Variants in RTL9 observed in about 807,000 individuals in gnomAD.
The protein encoded by RTL9 is retrotransposon Gag like 9, also known as retrotransposon Gag-like protein 9.
RTL9 carries 19 observed loss-of-function variants against 44.7 expected under a neutral mutation model. The observed-to-expected ratio is 0.42, with a 90% CI of 0.30 to 0.62. The LOEUF (loss-of-function observed/expected upper bound fraction) is 0.62, where lower values mean the gene tolerates loss of function less well. Ranked by LOEUF, RTL9 falls within the 20% of genes least tolerant of loss-of-function variation. The probability of loss-of-function intolerance (pLI) is 0.16; values close to 1 mark genes in which losing one functional copy is unlikely to be tolerated. For missense variants in RTL9, 1,105 were observed against 1,080.6 expected, an observed-to-expected ratio of 1.02 and a Z score of -0.32; for synonymous variants, 407 against 398.9, an observed-to-expected ratio of 1.02 and a Z score of -0.24.
intron 1 of RTL9, among the ~76,000 whole-genome samples, chrX:110,362,224 CTCCT>C (rs924908677): frequency 4.5e-5 from 5 of 111,055 alleles, no homozygotes; most frequent in African/African-American, 1.3e-4. Context: ...CATATCAACT[CTCCT>C]TCCTTCTTTT....
exon 1 of RTL9, chrX:110,453,729 G>A: frequency 3.3e-6 from 4 of 1,211,467 alleles, no homozygotes; most frequent in Non-Finnish European, 4.5e-6. Context: ...CTCAGTTTCT[G>A]GATCGATGCC....
upstream of RTL9, among the ~76,000 whole-genome samples, chrX:110,417,325 T>C (rs1006012391): frequency 9.0e-6 from 1 of 111,596 alleles, no homozygotes; most frequent in Admixed American, 9.5e-5. Context: ...CTGGTTTGGG[T>C]TTTCAATTCA....
At chrX:110,409,617 T>A (rs2068627511) in intron 1 of RTL9, among the ~76,000 whole-genome samples, 1 of 107,483 alleles carries the variant, frequency 9.3e-6, no homozygotes, top group African/African-American at 3.5e-5. Context: ...CAGATCCAGC[T>A]CCCCCATTTT....
At chrX:110,412,755 A>G (rs139033308) in intron 1 of RTL9, among the ~76,000 whole-genome samples, 2 of 112,406 alleles carry the variant, frequency 1.8e-5, no homozygotes, top group African/African-American at 6.5e-5. Context: ...TCTCCAATAT[A>G]GTATTGTGAT....
chrX:110,452,010 G>A (rs1249182098), exon 1 of RTL9: 22 of 1,209,942 alleles, frequency 1.8e-5, no homozygotes, highest in Non-Finnish European at 2.2e-5. Context: ...AGTAATGTCC[G>A]CACAGTTAAC....
chrX:110,409,635 T>C (rs898874829), intron 1 of RTL9, among the ~76,000 whole-genome samples: 3 of 106,274 alleles, frequency 2.8e-5, no homozygotes, highest in Admixed American at 9.7e-5. Context: ...TTTTCTGTTG[T>C]TGCTGCTGCT....
chrX:110,374,364 G>A (rs2068360956), intron 1 of RTL9, among the ~76,000 whole-genome samples: 1 of 112,177 alleles, frequency 8.9e-6, no homozygotes, highest in Admixed American at 9.4e-5. Flanking sequence ...TTAAATGCAT[G>A]AGTGAGTGAA....
chrX:110,441,737 C>G lies in RTL9; in HGVS notation c.-167-3416C>G, dbSNP rs777415694. 6.3e-5 allele frequency among the ~76,000 whole-genome samples: 7 copies of G among 111,876 alleles called. No individual in the cohort carries two copies. In the South Asian group the frequency reaches 2.6e-3, roughly 42 times the overall value. ...CCAGTTTTGCCACCAAATGAGCTTG[C>G]CACAGAATTTCAGTTTTCAGAAGCT... On this transcript the variant is annotated intron_variant, in intron 1 of 3. Transcript: ENST00000465301.
At chrX:110,441,566 A>G (rs1247222054) in intron 1 of RTL9, among the ~76,000 whole-genome samples, 1 of 112,596 alleles carries the variant, frequency 8.9e-6, no homozygotes, top group Non-Finnish European at 1.9e-5. Flanking sequence ...CATGTTTTAC[A>G]GTTCAAAATA....
At chrX:110,450,630 T>C in exon 1 of RTL9, 3 of 1,210,320 alleles carry the variant, frequency 2.5e-6, no homozygotes, top group Non-Finnish European at 3.4e-6. Context: ...GTCAATACCC[T>C]TACATTCACT....
chrX:110,359,173 C>G (rs992250715), intron 1 of RTL9, among the ~76,000 whole-genome samples: 20 of 111,222 alleles, frequency 1.8e-4, no homozygotes, highest in African/African-American at 6.5e-4. Flanking sequence ...CAGTCTGGAT[C>G]TAGTGGCTGT....
exon 1 of RTL9, chrX:110,452,658 A>C: frequency 8.3e-7 from 1 of 1,211,819 alleles, no homozygotes. Flanking sequence ...AGCAATGTCC[A>C]CATCACAAAT....
At chrX:110,414,902 C>T (rs2068666479), upstream of RTL9, among the ~76,000 whole-genome samples, 1 of 112,265 alleles carries the variant, frequency 8.9e-6, no homozygotes, top group Non-Finnish European at 1.9e-5. Flanking sequence ...CATGCAGTCA[C>T]ACAGTACTAT....
intron 1 of RTL9, among the ~76,000 whole-genome samples, chrX:110,383,596 C>T (rs1228695977): frequency 9.0e-6 from 1 of 111,449 alleles, no homozygotes; most frequent in African/African-American, 3.3e-5. Context: ...TCCAACATTC[C>T]TCAGATAAAT....
chrX:110,368,095 C>T (rs948483825), intron 1 of RTL9, among the ~76,000 whole-genome samples: 2 of 108,087 alleles, frequency 1.9e-5, no homozygotes, highest in African/African-American at 3.4e-5. Flanking sequence ...CCCACCATGG[C>T]CTCTCAAATT....
At chrX:110,413,119 A>AT (rs1210458634) in intron 1 of RTL9, among the ~76,000 whole-genome samples, 2 of 110,548 alleles carry the variant, frequency 1.8e-5, no homozygotes, top group Non-Finnish European at 3.8e-5. Context: ...CAGTGCTCCC[A>AT]TCCCTGCCAC....
upstream of RTL9, among the ~76,000 whole-genome samples, chrX:110,414,661 A>C (rs747742853): frequency 8.0e-5 from 9 of 112,704 alleles, no homozygotes; most frequent in African/African-American, 2.9e-4. Flanking sequence ...ATCTTGATGA[A>C]TTATTGTGAC....
intron 1 of RTL9, among the ~76,000 whole-genome samples, chrX:110,384,066 A>G (rs2148278018): frequency 8.9e-6 from 1 of 112,187 alleles, no homozygotes; most frequent in East Asian, 2.8e-4. Context: ...CTATTGTTTT[A>G]TTGTTATCGT....
At chrX:110,377,041 G>T (rs2068381713) in intron 1 of RTL9, among the ~76,000 whole-genome samples, 1 of 111,754 alleles carries the variant, frequency 8.9e-6, no homozygotes, top group Non-Finnish European at 1.9e-5. Context: ...GGCAGTGGGT[G>T]AAAGTGGAGT....
Sources: allele counts gnomAD v4.1 joint callset (sites outside exome capture counted in the v4.1 genomes callset), GRCh38; gene constraint gnomAD v4.1.1; transcripts MANE v1.5; gene names NCBI Gene and HGNC (gene_info 2026-07-23, HGNC 2026-07-21).